ANKRD45: variants seen among roughly 807,000 people sequenced by gnomAD.
ANKRD45 encodes the protein ankyrin repeat domain-containing protein 45.
Under a neutral mutation model 28.1 loss-of-function variants are expected in ANKRD45, and 21 were observed. That is an observed-to-expected ratio of 0.75 (90% CI 0.53 to 1.08). The LOEUF is 1.08. Ranked by LOEUF, ANKRD45 falls within the 50% of genes least tolerant of loss-of-function variation. The probability of loss-of-function intolerance (pLI) is 0.00; values close to 1 mark genes in which losing one functional copy is unlikely to be tolerated. For synonymous variants in ANKRD45, 86 were observed against 103.9 expected (o/e 0.83, Z 1.05); for missense variants, 261 against 308.7 (o/e 0.85, Z 1.16).
At chr1:173,625,990 A>T (rs1235897902) in intron 4 of ANKRD45, among the ~76,000 whole-genome samples, 2 of 152,162 alleles carry the variant, frequency 1.3e-5, no homozygotes, top group African/African-American at 4.8e-5. Flanking sequence ...ATGTTCTAGT[A>T]ACTAGTTTGA....
At chr1:173,701,561 T>A in the ANKRD45 span, among the ~76,000 whole-genome samples, 3 of 152,140 alleles carry the variant, frequency 2.0e-5, no homozygotes, top group South Asian at 6.2e-4. Flanking sequence ...CAGCAAACTA[T>A]CACAAGGACA....
intron 5 of ANKRD45, among the ~76,000 whole-genome samples, chr1:173,613,107 A>G (rs1353364560): frequency 6.7e-6 from 1 of 148,490 alleles, no homozygotes; most frequent in Non-Finnish European, 1.5e-5. Context: ...GGAAGTGAAG[A>G]GCGCCTCTTC....
rs754601144 is a variant in ANKRD45, at chr1:173,608,465, G to A, written c.*1680C>T. Among the ~76,000 whole-genome samples the A allele has an allele frequency of 8.6e-5, 13 of 151,916 alleles. No individual in the cohort carries two copies. Among genetic ancestry groups the A allele is most frequent in the African/African-American group, 1.5e-4 (6 of 41,344 alleles). Reference sequence around the variant, plus strand: ...CCCAAGTCACTGGGATTACAGGCACGTGCCACCACATACAGCTAAATTTTT... The same window carrying A: ...CCCAAGTCACTGGGATTACAGGCACATGCCACCACATACAGCTAAATTTTT... On this transcript the variant is annotated 3_prime_UTR_variant, in exon 6 of 6. Transcript: ENST00000333279.
chr1:173,627,764 G>T (rs1399233886), intron 3 of ANKRD45, among the ~76,000 whole-genome samples: 1 of 151,974 alleles, frequency 6.6e-6, no homozygotes, highest in Non-Finnish European at 1.5e-5. Flanking sequence ...TGGACTTGGG[G>T]TGCACATCAC....
At chr1:173,673,112 T>C (rs1191858232), upstream of ANKRD45, among the ~76,000 whole-genome samples, 1 of 112,354 alleles carries the variant, frequency 8.9e-6, no homozygotes, top group South Asian at 2.8e-4. Context: ...ATTTCTATAC[T>C]TTTTTTTTTT....
chr1:173,666,943 G>C (rs1332308469), intron 1 of ANKRD45, among the ~76,000 whole-genome samples: 2 of 152,070 alleles, frequency 1.3e-5, no homozygotes. Flanking sequence ...TGTAGAGACA[G>C]GGGGTCTGGC....
chr1:173,669,688 A>T (rs1670180869), intron 1 of ANKRD45, 129 bp downstream of exon 1: 1 of 333,416 alleles, frequency 3.0e-6, no homozygotes, highest in Admixed American at 4.0e-5. Context: ...CAGTGTGAGG[A>T]CGCTGAGATT....
At chr1:173,646,002 C>A (rs927928165) in intron 3 of ANKRD45, among the ~76,000 whole-genome samples, 1 of 152,148 alleles carries the variant, frequency 6.6e-6, no homozygotes, top group African/African-American at 2.4e-5. Flanking sequence ...TAGGAACAAC[C>A]AATTGTATCT....
At chr1:173,644,083 C>A (rs997327745) in intron 3 of ANKRD45, among the ~76,000 whole-genome samples, 1 of 152,088 alleles carries the variant, frequency 6.6e-6, no homozygotes, top group African/African-American at 2.4e-5. Flanking sequence ...CTTTAAAAAT[C>A]CCCAAACCTC....
At chr1:173,658,891 C>A in intron 2 of ANKRD45, 200 bp downstream of exon 2, 4 of 774,186 alleles carry the variant, frequency 5.2e-6, no homozygotes, top group Non-Finnish European at 7.1e-6. Flanking sequence ...ATAGTAAAGT[C>A]TATGTTCTAA....
chr1:173,635,497 C>T (rs1205548014), intron 3 of ANKRD45: 13 of 1,461,208 alleles, frequency 8.9e-6, no homozygotes, highest in Non-Finnish European at 1.1e-5. Flanking sequence ...ATTTTAGCTA[C>T]TTTTTTTTCA....
the ANKRD45 span, among the ~76,000 whole-genome samples, chr1:173,692,199 C>T: frequency 6.6e-6 from 1 of 152,196 alleles, no homozygotes; most frequent in Non-Finnish European, 1.5e-5. Flanking sequence ...AAGAATTGAA[C>T]ATACTGACAT....
At chr1:173,650,350 G>A (rs977338748) in intron 2 of ANKRD45, among the ~76,000 whole-genome samples, 2 of 151,326 alleles carry the variant, frequency 1.3e-5, no homozygotes, top group African/African-American at 2.4e-5. Flanking sequence ...GTGAGAACAC[G>A]GTTTGGTTAT....
intron 2 of ANKRD45, among the ~76,000 whole-genome samples, chr1:173,653,730 T>C (rs12076223): frequency 6.6e-6 from 1 of 151,874 alleles, no homozygotes; most frequent in African/African-American, 2.4e-5. Flanking sequence ...TGTTTGGGAG[T>C]CTAAATCTCT....
intron 3 of ANKRD45, among the ~76,000 whole-genome samples, chr1:173,645,938 A>G (rs1668900073): frequency 6.6e-6 from 1 of 152,204 alleles, no homozygotes; most frequent in Admixed American, 6.5e-5. Flanking sequence ...TTTTTATATA[A>G]TTGTTGAATG....
chr1:173,644,276 T>C (rs183424336), intron 3 of ANKRD45, among the ~76,000 whole-genome samples: 1 of 152,342 alleles, frequency 6.6e-6, no homozygotes, highest in East Asian at 1.9e-4. Context: ...AATTTTATGT[T>C]ATTTATGTTT....
At chr1:173,675,261 G>A in the ANKRD45 span, 2 of 255,660 alleles carry the variant, frequency 7.8e-6, no homozygotes, top group Non-Finnish European at 1.6e-5. Context: ...AGGAAAAATG[G>A]AGAAAAAAGA....
At chr1:173,686,856 A>G in the ANKRD45 span, among the ~76,000 whole-genome samples, 1 of 152,166 alleles carries the variant, frequency 6.6e-6, no homozygotes, top group Non-Finnish European at 1.5e-5. Flanking sequence ...TTAATGTTAA[A>G]CTTAATTTTA....
At position 173,659,258 on chromosome 1, in the gene ANKRD45, A is replaced by G. The variant is rs745491608; in HGVS notation, c.161T>C (p.Ile54Thr). 13 of 1,614,000 alleles carry G rather than the reference A, an allele frequency of 8.1e-6. No homozygotes were observed. In the East Asian group the frequency reaches 2.7e-4, roughly 33 times the overall value. Residue 54 changes from isoleucine to threonine, a missense_variant, in exon 2 of 6, where the codon ATA becomes ACA. Ile to Thr is a moderately conservative substitution (Grantham distance 89). Coordinates refer to ENST00000333279, the MANE Select transcript of ANKRD45 (RefSeq NM_198493.3). Reference protein sequence around the residue: ...LTGDVEGLQKIFEDPENPHHE... With the variant: ...LTGDVEGLQKTFEDPENPHHE... ...ATGAGGATTCTCAGGATCCTCAAATATCTTCTGCAAACCCTCTACATCCCC... is the reference window on the plus strand; with the variant it reads ...ATGAGGATTCTCAGGATCCTCAAATGTCTTCTGCAAACCCTCTACATCCCC...
Sources: gnomAD v4.1 joint callset for allele counts (sites outside exome capture counted in the v4.1 genomes callset) on GRCh38, gnomAD v4.1.1 for gene constraint, MANE v1.5 for transcripts, NCBI Gene and HGNC (gene_info 2026-07-23, HGNC 2026-07-21) for gene names.